Variants in SGCZ observed in about 807,000 individuals in gnomAD.
The protein encoded by SGCZ is zeta-sarcoglycan.
In SGCZ, 40 loss-of-function variants were observed where a neutral mutation model predicts 41.3. That is an observed-to-expected ratio of 0.97 (90% CI 0.75 to 1.26). The LOEUF (loss-of-function observed/expected upper bound fraction) is 1.26, where lower values mean the gene tolerates loss of function less well. SGCZ is among the 50% of genes most tolerant of loss of function. The pLI is 0.00. For synonymous variants in SGCZ, 206 were observed against 137.5 expected (o/e 1.50, Z -3.49); for missense variants, 552 against 369.8 (o/e 1.49, Z -4.04).
intron 1 of SGCZ, among the ~76,000 whole-genome samples, chr8:15,087,444 G>A (rs932715504): frequency 1.1e-4 from 16 of 151,990 alleles, no homozygotes; most frequent in African/African-American, 2.7e-4. Context: ...ACAACATCTC[G>A]AACGCTGATT....
chr8:14,237,284 T>C (rs1180204537), intron 4 of SGCZ, among the ~76,000 whole-genome samples: 3 of 152,154 alleles, frequency 2.0e-5, no homozygotes, highest in African/African-American at 4.8e-5. Context: ...GACTAGCCTA[T>C]GACAAGTCAA....
At chr8:14,321,081 T>C (rs1263509715) in intron 3 of SGCZ, among the ~76,000 whole-genome samples, 1 of 152,196 alleles carries the variant, frequency 6.6e-6, no homozygotes, top group South Asian at 2.1e-4. Flanking sequence ...TGAAAAGAGA[T>C]GCAGAATGTT....
intron 2 of SGCZ, among the ~76,000 whole-genome samples, chr8:14,515,779 A>G (rs1268527538): frequency 6.6e-6 from 1 of 152,054 alleles, no homozygotes; most frequent in Non-Finnish European, 1.5e-5. Flanking sequence ...TGAGTGAGCC[A>G]ATTTTCTAGC....
intron 2 of SGCZ, among the ~76,000 whole-genome samples, chr8:14,495,052 A>G (rs533904249): frequency 5.2e-4 from 79 of 152,268 alleles, no homozygotes; most frequent in African/African-American, 1.8e-3. Context: ...CATGCTCCCC[A>G]GTTGATTCTT....
intron 1 of SGCZ, among the ~76,000 whole-genome samples, chr8:14,706,332 G>T (rs1003015193): frequency 6.6e-6 from 1 of 151,630 alleles, no homozygotes; most frequent in Non-Finnish European, 1.5e-5. Context: ...TTTGACAATT[G>T]TGTTTTATGT....
At chr8:15,166,290 C>T (rs1469286877) in intron 1 of SGCZ, among the ~76,000 whole-genome samples, 1 of 151,058 alleles carries the variant, frequency 6.6e-6, no homozygotes, top group Non-Finnish European at 1.5e-5. Flanking sequence ...CTCTGTCGCC[C>T]AGGCTGGAGT....
intron 3 of SGCZ, among the ~76,000 whole-genome samples, chr8:14,249,342 G>C (rs921114571): frequency 1.3e-5 from 2 of 151,682 alleles, no homozygotes; most frequent in African/African-American, 2.4e-5. Flanking sequence ...GGCTTTCCTG[G>C]GTCTCCAACT....
At chr8:14,109,337 G>C (rs144569674) in intron 5 of SGCZ, among the ~76,000 whole-genome samples, 4 of 152,150 alleles carry the variant, frequency 2.6e-5, no homozygotes, top group East Asian at 1.9e-4. Flanking sequence ...AAAATGGAAG[G>C]ATACTTCAAT....
intron 1 of SGCZ, among the ~76,000 whole-genome samples, chr8:14,935,907 C>G (rs968002858): frequency 6.6e-6 from 1 of 151,686 alleles, no homozygotes; most frequent in Non-Finnish European, 1.5e-5. Flanking sequence ...AAATAATAAA[C>G]AAAGAGAGCT....
chr8:14,449,757 T>C (rs1252055668), intron 2 of SGCZ, among the ~76,000 whole-genome samples: 2 of 152,156 alleles, frequency 1.3e-5, no homozygotes, highest in East Asian at 3.9e-4. Context: ...ATTGTGGCCA[T>C]ATTCTAGGCT....
chr8:14,213,120 G>C (rs959813046), intron 4 of SGCZ, among the ~76,000 whole-genome samples: 1 of 151,976 alleles, frequency 6.6e-6, no homozygotes, highest in Admixed American at 6.6e-5. Flanking sequence ...AAGGAGAGGA[G>C]TAAGAAGGAG....
chr8:15,162,190 C>A (rs1006466245), intron 1 of SGCZ, among the ~76,000 whole-genome samples: 4 of 152,094 alleles, frequency 2.6e-5, no homozygotes, highest in African/African-American at 7.2e-5. Context: ...TTTTGTTAGA[C>A]CTGTTAAGAA....
chr8:14,276,944 C>T (rs777298184), intron 3 of SGCZ, among the ~76,000 whole-genome samples: 2 of 152,122 alleles, frequency 1.3e-5, no homozygotes, highest in African/African-American at 4.8e-5. Flanking sequence ...AATATTTAAA[C>T]CCCCACAAAT....
chr8:14,090,174 A>C lies in SGCZ; in HGVS notation c.*269T>G, dbSNP rs1801642466. The C allele has an allele frequency of 3.3e-6, 1 of 299,334 alleles. No homozygotes were observed. Among genetic ancestry groups the C allele is most frequent in the Admixed American group, 4.8e-5 (1 of 20,830 alleles). 18.5% of individuals were successfully genotyped at this position (299,334 alleles called of 1,614,324 possible). On this transcript the variant is annotated 3_prime_UTR_variant, in exon 8 of 8. Transcript: ENST00000382080. Reference sequence around the variant, plus strand: ...GTGCTTCACTTCGCGTAGCAAAGGCACCTATGTTATTCTCCCTTTCGAGCA... The same window carrying C: ...GTGCTTCACTTCGCGTAGCAAAGGCCCCTATGTTATTCTCCCTTTCGAGCA...
At chr8:14,721,402 A>G (rs1297980690) in intron 1 of SGCZ, among the ~76,000 whole-genome samples, 3 of 152,180 alleles carry the variant, frequency 2.0e-5, no homozygotes, top group Non-Finnish European at 4.4e-5. Context: ...TCGTGCTTTT[A>G]TCTGAAAACC....
At chr8:14,350,249 T>TC (rs1205920632) in intron 2 of SGCZ, among the ~76,000 whole-genome samples, 1 of 152,050 alleles carries the variant, frequency 6.6e-6, no homozygotes, top group Non-Finnish European at 1.5e-5. Context: ...CAAAACTTTT[T>TC]TTTTTTTTAC....
intron 1 of SGCZ, among the ~76,000 whole-genome samples, chr8:14,958,815 A>G (rs1351291987): frequency 6.6e-6 from 1 of 152,162 alleles, no homozygotes; most frequent in Non-Finnish European, 1.5e-5. Context: ...TTATTTTTAA[A>G]TGAATAAAAA....
rs539672867 is a variant in SGCZ at position 14,868,661 on chromosome 8, G to T, written c.40-313735C>A. 1.1e-3 allele frequency among the ~76,000 whole-genome samples: 169 copies of T among 152,124 alleles called. 1 individual carries two copies. Among genetic ancestry groups the T allele is most frequent in the Non-Finnish European group, 2.0e-3 (134 of 67,992 alleles). The stretch of plus-strand genomic sequence containing the variant: ...TGATGGGAAAGAGACAATTAGAACA[G>T]AATTTTAAAATGTGAAGTTACAGAA... On this transcript the variant is annotated intron_variant, in intron 1 of 7. Transcript: ENST00000382080.
At chr8:15,196,064 AT>A (rs1337057236) in intron 1 of SGCZ, among the ~76,000 whole-genome samples, 3 of 146,528 alleles carry the variant, frequency 2.0e-5, no homozygotes, top group Non-Finnish European at 3.0e-5. Flanking sequence ...CGCCCGGCTA[AT>A]TTTTTGTATT....
Sources: allele counts gnomAD v4.1 joint callset (sites outside exome capture counted in the v4.1 genomes callset), GRCh38; gene constraint gnomAD v4.1.1; transcripts MANE v1.5; gene names NCBI Gene and HGNC (gene_info 2026-07-23, HGNC 2026-07-21).